TRAPPC12: variants seen among roughly 807,000 people sequenced by gnomAD.
The protein encoded by TRAPPC12 is TPR repeat protein 15.
A neutral mutation model predicts 69.2 loss-of-function variants in TRAPPC12; 61 were observed. The ratio of observed to expected loss-of-function variants is 0.88; its 90% CI spans 0.72 to 1.09. TRAPPC12 has a LOEUF of 1.09. Ranked by LOEUF, TRAPPC12 falls within the 50% of genes least tolerant of loss-of-function variation. TRAPPC12 has a pLI of 0.00. For synonymous variants in TRAPPC12, 469 were observed against 438.9 expected, an observed-to-expected ratio of 1.07 and a Z score of -0.86; for missense variants, 1,101 against 1,016.4, an observed-to-expected ratio of 1.08 and a Z score of -1.13.
At chr2:3,387,590 C>G in intron 1 of TRAPPC12, 30 bp from the exon 2 acceptor site, 1 of 1,482,358 alleles carries the variant, frequency 6.7e-7, no homozygotes, top group South Asian at 1.3e-5. Flanking sequence ...AGATCACGCT[C>G]AGGGGCCTTC....
At chr2:3,410,923 G>A (rs1021662136) in intron 3 of TRAPPC12, among the ~76,000 whole-genome samples, 25 of 152,258 alleles carry the variant, frequency 1.6e-4, no homozygotes, top group Admixed American at 2.0e-4. Context: ...CCAGCTACTC[G>A]GGAGGCTGAG....
chr2:3,476,778 G>A (rs1434080057), intron 9 of TRAPPC12, among the ~76,000 whole-genome samples: 1 of 152,162 alleles, frequency 6.6e-6, no homozygotes, highest in Admixed American at 6.5e-5. Flanking sequence ...CCTCCTCATG[G>A]AGGTGAGCCG....
intron 5 of TRAPPC12, among the ~76,000 whole-genome samples, chr2:3,438,293 G>A: frequency 1.7e-5 from 1 of 59,586 alleles, no homozygotes; most frequent in African/African-American, 7.0e-5. Context: ...ACCATCCCTG[G>A]ATTAACCCCC....
intron 3 of TRAPPC12, among the ~76,000 whole-genome samples, chr2:3,409,780 G>T (rs6737048): frequency 1.5e-5 from 2 of 130,970 alleles, no homozygotes; most frequent in African/African-American, 2.8e-5. Flanking sequence ...AAAAAAAAAG[G>T]GGAAGAAATG....
At chr2:3,473,710 A>G (rs1666167711) in intron 9 of TRAPPC12, among the ~76,000 whole-genome samples, 4 of 152,298 alleles carry the variant, frequency 2.6e-5, no homozygotes, top group East Asian at 1.9e-4. Flanking sequence ...GCCTCAAGCA[A>G]TCCTCCTGCC....
At chr2:3,440,324 G>A (rs1664130758) in intron 5 of TRAPPC12, among the ~76,000 whole-genome samples, 1 of 152,182 alleles carries the variant, frequency 6.6e-6, no homozygotes. Flanking sequence ...GTCCATGAAT[G>A]TGGAATATCT....
chr2:3,442,372 C>T (rs907116852), intron 5 of TRAPPC12, among the ~76,000 whole-genome samples: 7 of 152,180 alleles, frequency 4.6e-5, no homozygotes, highest in Non-Finnish European at 7.3e-5. Context: ...ATGGAAGTGA[C>T]GTGGCTTACA....
intron 6 of TRAPPC12, among the ~76,000 whole-genome samples, chr2:3,449,663 G>T (rs1439623902): frequency 1.3e-5 from 2 of 152,150 alleles, no homozygotes; most frequent in Non-Finnish European, 1.5e-5. Context: ...TATTTGTTAA[G>T]CAAAGTTAGA....
rs2103140970 is a variant in TRAPPC12, at chr2:3,460,702, G to C, written c.1677+366G>C. On this transcript the variant is annotated intron_variant, in intron 8 of 11. Transcript: ENST00000324266. ...GGTGTTTTTTTCACCTCATGGTTTT[G>C]ATTTTATGATTGATGCTTACAACAC... 3 of 209,816 alleles carry C rather than the reference G, an allele frequency of 1.4e-5. No homozygotes were observed. The South Asian group carries it at 3.4e-4, about 24-fold the overall frequency. 13.0% of individuals were successfully genotyped at this position (209,816 alleles called of 1,614,324 possible).
chr2:3,394,623 G>GT (rs1286384814), intron 2 of TRAPPC12, among the ~76,000 whole-genome samples: 6 of 149,462 alleles, frequency 4.0e-5, no homozygotes, highest in Non-Finnish European at 1.5e-5. Flanking sequence ...TTTGTCTGAG[G>GT]TTAAAAAAAA....
At chr2:3,443,476 G>A (rs1664333304) in intron 5 of TRAPPC12, among the ~76,000 whole-genome samples, 1 of 152,186 alleles carries the variant, frequency 6.6e-6, no homozygotes, top group Admixed American at 6.5e-5. Flanking sequence ...TTGGAGGAGG[G>A]GTTGGCGGTC....
At chr2:3,472,278 A>T (rs997877403) in intron 9 of TRAPPC12, 2 of 152,402 alleles carry the variant, frequency 1.3e-5, no homozygotes, top group African/African-American at 4.8e-5. Flanking sequence ...CACGTTTTAC[A>T]GAGGGGCACG....
At position 3,388,659 on chromosome 2, in the gene TRAPPC12, G is replaced by A. The variant is rs751131504; in HGVS notation, c.1036G>A (p.Asp346Asn). Residue 346 changes from aspartate to asparagine, a missense_variant, in exon 2 of 12, where the codon GAC becomes AAC. Coordinates refer to ENST00000324266, the MANE Select transcript of TRAPPC12 (RefSeq NM_016030.6). ...ENLTMPGLRF[D>N]NIQGDAVKDL... The stretch of plus-strand genomic sequence containing the variant: ...CCTCACCATGCCGGGCCTCAGGTTC[G>A]ACAACATCCAGGTGAGCCCGGGTCT... The A allele has an allele frequency of 2.4e-5, 38 of 1,560,458 alleles. No individual in the cohort carries two copies. In the South Asian group the frequency reaches 3.4e-4, roughly 14 times the overall value.
chr2:3,478,735 C>T, intron 10 of TRAPPC12, 111 bp from the exon 11 acceptor site: 1 of 898,724 alleles, frequency 1.1e-6, no homozygotes, highest in Non-Finnish European at 1.8e-6. Flanking sequence ...CCCCGGGCCA[C>T]ACAGGGCCAT....
chr2:3,442,075 G>A (rs1412923451), intron 5 of TRAPPC12, among the ~76,000 whole-genome samples: 2 of 152,038 alleles, frequency 1.3e-5, no homozygotes, highest in African/African-American at 2.4e-5. Context: ...AGTATTAACA[G>A]CTAGTCTATA....
intron 6 of TRAPPC12, among the ~76,000 whole-genome samples, chr2:3,446,476 G>C (rs1168245178): frequency 6.6e-6 from 1 of 152,242 alleles, no homozygotes; most frequent in African/African-American, 2.4e-5. Flanking sequence ...AAGAGGGAAA[G>C]ACCCAGGGCA....
At chr2:3,477,187 G>A (rs947408851) in intron 9 of TRAPPC12, among the ~76,000 whole-genome samples, 2 of 152,174 alleles carry the variant, frequency 1.3e-5, no homozygotes, top group Non-Finnish European at 2.9e-5. Flanking sequence ...CCTGACATGC[G>A]TGATAAGAGT....
chr2:3,439,823 C>T (rs1185628023), intron 5 of TRAPPC12, among the ~76,000 whole-genome samples: 1 of 151,604 alleles, frequency 6.6e-6, no homozygotes, highest in Non-Finnish European at 1.5e-5. Context: ...AGTTTTTGCA[C>T]TTTACATGTA....
At chr2:3,383,680 C>G (rs1411186562) in intron 1 of TRAPPC12, among the ~76,000 whole-genome samples, 2 of 151,970 alleles carry the variant, frequency 1.3e-5, no homozygotes, top group African/African-American at 4.8e-5. Context: ...GCTGGGATTA[C>G]AGGCGTGAGC....
Sources: gnomAD v4.1 joint callset for allele counts (sites outside exome capture counted in the v4.1 genomes callset) on GRCh38, gnomAD v4.1.1 for gene constraint, MANE v1.5 for transcripts, NCBI Gene and HGNC (gene_info 2026-07-23, HGNC 2026-07-21) for gene names.